CLEC18A: variants seen among roughly 807,000 people sequenced by gnomAD.
CLEC18A encodes mannose receptor-like 1.
CLEC18A carries 5 observed loss-of-function variants against 24.0 expected under a neutral mutation model. The observed-to-expected ratio is 0.21, with a 90% CI of 0.11 to 0.44. The LOEUF (loss-of-function observed/expected upper bound fraction) is 0.44, where lower values mean the gene tolerates loss of function less well. CLEC18A is among the 20% of genes least tolerant of loss of function. The probability of loss-of-function intolerance (pLI) is 0.99; values close to 1 mark genes in which losing one functional copy is unlikely to be tolerated. For synonymous variants in CLEC18A, 29 were observed against 100.1 expected, an observed-to-expected ratio of 0.29 and a Z score of 4.24; for missense variants, 83 against 233.4, an observed-to-expected ratio of 0.36 and a Z score of 4.20.
downstream of CLEC18A, among the ~76,000 whole-genome samples, chr16:69,965,153 C>T (rs1179930568): frequency 2.0e-5 from 3 of 151,764 alleles, no homozygotes; most frequent in African/African-American, 4.9e-5. Flanking sequence ...TAACCGGGCG[C>T]GGGCAGTTGT....
the CLEC18A span, among the ~76,000 whole-genome samples, chr16:69,943,851 C>T: frequency 7.0e-6 from 1 of 143,192 alleles, no homozygotes; most frequent in East Asian, 2.0e-4. Flanking sequence ...GGTCCCACTC[C>T]GCAGCTGTGC....
chr16:69,965,542 C>T (rs1392520778), downstream of CLEC18A, among the ~76,000 whole-genome samples: 1 of 150,536 alleles, frequency 6.6e-6, no homozygotes, highest in Non-Finnish European at 1.5e-5. Flanking sequence ...GAGACCTTCC[C>T]ACCCCGCCCC....
intron 3 of CLEC18A, 91 bp downstream of exon 3, chr16:69,954,664 T>A: frequency 6.5e-7 from 1 of 1,544,448 alleles, no homozygotes; most frequent in Non-Finnish European, 8.7e-7. Context: ...TTGTCCTAAA[T>A]GTTGGGATTC....
chr16:69,965,094 G>T (rs1166466337), downstream of CLEC18A, among the ~76,000 whole-genome samples: 1 of 151,610 alleles, frequency 6.6e-6, no homozygotes, highest in Non-Finnish European at 1.5e-5. Flanking sequence ...GAGGCCCGGC[G>T]CCGGCCCAGT....
At chr16:69,945,338 TC>T in the CLEC18A span, among the ~76,000 whole-genome samples, 2 of 151,870 alleles carry the variant, frequency 1.3e-5, no homozygotes, top group Admixed American at 6.5e-5. Flanking sequence ...TTCATTCTGT[TC>T]CCTTGATCTA....
At chr16:69,951,008 A>C (rs1287282496), upstream of CLEC18A, 7 of 276,250 alleles carry the variant, frequency 2.5e-5, no homozygotes, top group Admixed American at 3.7e-4. Flanking sequence ...ACTAATCTGC[A>C]GCACTGGAAT....
chr16:69,953,366 C>G (rs1597208483), intron 2 of CLEC18A: 1 of 150,900 alleles, frequency 6.6e-6, no homozygotes, highest in Admixed American at 6.6e-5. Flanking sequence ...GGTGCAGCCC[C>G]GAGGGGCCCC....
In CLEC18A at chr16:69,962,961, C is replaced by T; in HGVS notation, c.1212-15C>T. On this transcript the variant is annotated splice_polypyrimidine_tract_variant and intron_variant, in intron 10 of 11. Transcript: ENST00000288040. ...CTTCACTCTTGCCTCCTGACCACCA[C>T]ACCATGGCCTGCAGGTTTGGCAACT... 6.7e-7 allele frequency: 1 copy of T among 1,483,344 alleles called. No individual in the cohort carries two copies. The highest frequency in any genetic ancestry group is 9.3e-7 in the Non-Finnish European group (1 of 1,076,914). 91.9% of individuals were successfully genotyped at this position (1,483,344 alleles called of 1,614,324 possible). A position where few individuals can be genotyped will look rare whatever the true frequency, so the allele number is the denominator to read the frequency against.
intron 3 of CLEC18A, among the ~76,000 whole-genome samples, chr16:69,955,069 C>T (rs569475991): frequency 6.7e-4 from 102 of 152,216 alleles, no homozygotes; most frequent in Middle Eastern, 3.4e-3. Context: ...GGTGTGATCT[C>T]AGCTCACTGC....
At chr16:69,964,855 G>A (rs185617025), downstream of CLEC18A, among the ~76,000 whole-genome samples, 6 of 152,162 alleles carry the variant, frequency 3.9e-5, no homozygotes, top group Admixed American at 6.5e-5. Context: ...AGGCTGGAGT[G>A]CAGGGGTGCA....
chr16:69,965,521 G>A (rs1959359267), downstream of CLEC18A, among the ~76,000 whole-genome samples: 1 of 151,206 alleles, frequency 6.6e-6, no homozygotes, highest in Non-Finnish European at 1.5e-5. Flanking sequence ...CACAGGCGGG[G>A]CGGCCGAGCC....
At chr16:69,964,960 C>G (rs1156664113), downstream of CLEC18A, among the ~76,000 whole-genome samples, 1 of 151,944 alleles carries the variant, frequency 6.6e-6, no homozygotes, top group Non-Finnish European at 1.5e-5. Context: ...CACCACCACG[C>G]CCCGCTATTT....
In CLEC18A at chr16:69,955,042, C is replaced by T. The variant is rs557486936; in HGVS notation, c.456+469C>T. Among the ~76,000 whole-genome samples the T allele has an allele frequency of 7.2e-5, 11 of 151,994 alleles. No individual in the cohort carries two copies. The South Asian group carries it at 8.3e-4, about 12-fold the overall frequency. ...GGAGACATGGTCTCACTCTGTCACC[C>T]CAGGCTGGAGTGCAGTGGTGTGATC... On this transcript the variant is annotated intron_variant, in intron 3 of 11. Coordinates refer to ENST00000288040, the MANE Select transcript of CLEC18A (RefSeq NM_001370523.4).
Position 69,954,322 on chromosome 16 carries a change from T to C in CLEC18A, c.217-12T>C, listed in dbSNP as rs747687532. 6.4e-7 allele frequency: 1 copy of C among 1,572,176 alleles called. No homozygotes were observed. The highest frequency in any genetic ancestry group is 1.1e-5 in the South Asian group (1 of 89,960). On this transcript the variant is annotated splice_polypyrimidine_tract_variant and intron_variant, in intron 2 of 11. Transcript: ENST00000288040. Reference sequence around the variant, plus strand: ...AAGGCCTCCCACAGATGTCTGTTTGTGCTGCCCCCAGGACTGGAGTGACAG... The same window carrying C: ...AAGGCCTCCCACAGATGTCTGTTTGCGCTGCCCCCAGGACTGGAGTGACAG...
chr16:69,964,181 G>GT (rs1959268188), downstream of CLEC18A: 1 of 133,418 alleles, frequency 7.5e-6, no homozygotes, highest in South Asian at 2.8e-4. Flanking sequence ...CCTCAGTGAG[G>GT]AGCTGTTCTC....
chr16:69,951,024 C>A, upstream of CLEC18A: 1 of 313,560 alleles, frequency 3.2e-6, no homozygotes. Flanking sequence ...GGAATGTCCG[C>A]GGGCCAATCA....
upstream of CLEC18A, among the ~76,000 whole-genome samples, chr16:69,946,940 T>C (rs1206011931): frequency 1.8e-5 from 2 of 113,454 alleles, no homozygotes; most frequent in Non-Finnish European, 3.4e-5. Flanking sequence ...TCTTAACTTA[T>C]TGCACAAATT....
chr16:69,948,690 C>T (rs1258318835), upstream of CLEC18A, among the ~76,000 whole-genome samples: 2 of 145,586 alleles, frequency 1.4e-5, no homozygotes, highest in Admixed American at 6.9e-5. Flanking sequence ...CCCCAGCCAC[C>T]GAGCAGGCTC....
chr16:69,965,329 C>G (rs1207050720), downstream of CLEC18A, among the ~76,000 whole-genome samples: 1 of 151,980 alleles, frequency 6.6e-6, no homozygotes, highest in Non-Finnish European at 1.5e-5. Flanking sequence ...CGGGAGGGCC[C>G]GCTCTCCGGC....
Sources: allele counts gnomAD v4.1 joint callset (sites outside exome capture counted in the v4.1 genomes callset), GRCh38; gene constraint gnomAD v4.1.1; transcripts MANE v1.5; gene names NCBI Gene and HGNC (gene_info 2026-07-23, HGNC 2026-07-21).